FBXO4: variants seen among roughly 807,000 people sequenced by gnomAD.
The protein encoded by FBXO4 is F-box protein 4, also known as F-box only protein 4.
FBXO4 carries 36 observed loss-of-function variants against 43.7 expected under a neutral mutation model. That is an observed-to-expected ratio of 0.82 (90% CI 0.63 to 1.09). FBXO4 has a LOEUF of 1.09. Ranked by LOEUF, FBXO4 falls within the 50% of genes least tolerant of loss-of-function variation. FBXO4 has a pLI of 0.00. For missense variants in FBXO4, 435 were observed against 474.1 expected (o/e 0.92, Z 0.77); for synonymous variants, 180 against 165.6 (o/e 1.09, Z -0.67).
downstream of FBXO4, among the ~76,000 whole-genome samples, chr5:41,944,993 G>T (rs1442237859): frequency 6.6e-6 from 1 of 152,152 alleles, no homozygotes; most frequent in Non-Finnish European, 1.5e-5. Context: ...TTCTAGGAAG[G>T]ATTTGACAAG....
the FBXO4 span, among the ~76,000 whole-genome samples, chr5:42,012,026 G>A: frequency 6.6e-6 from 1 of 152,300 alleles, no homozygotes; most frequent in South Asian, 2.1e-4. Context: ...AGGTCAGCAA[G>A]GTGAGAACAT....
At chr5:42,006,887 G>GATATATATATATATATATATATAT in the FBXO4 span, among the ~76,000 whole-genome samples, 283 of 78,960 alleles carry the variant, frequency 3.6e-3, 8 homozygotes, top group Middle Eastern at 7.1e-3. Flanking sequence ...GGTTCATGCT[G>GATATATATATATATATATATATAT]ATATATATAT....
the FBXO4 span, among the ~76,000 whole-genome samples, chr5:42,032,928 A>C: frequency 2.0e-5 from 3 of 152,074 alleles, no homozygotes; most frequent in African/African-American, 7.2e-5. Flanking sequence ...TCAGTGTCCA[A>C]GGGCTCTTCA....
the FBXO4 span, among the ~76,000 whole-genome samples, chr5:41,966,638 C>G: frequency 3.3e-5 from 5 of 152,170 alleles, no homozygotes; most frequent in African/African-American, 1.2e-4. Flanking sequence ...TCTACTTAGA[C>G]AGACCTGGTT....
chr5:41,973,243 T>C, the FBXO4 span, among the ~76,000 whole-genome samples: 2 of 152,182 alleles, frequency 1.3e-5, no homozygotes, highest in African/African-American at 4.8e-5. Context: ...CCAAACTCAT[T>C]GAAAAATGGG....
chr5:41,926,268 G>T (rs893749696), intron 1 of FBXO4, among the ~76,000 whole-genome samples: 2 of 152,150 alleles, frequency 1.3e-5, no homozygotes, highest in Admixed American at 1.3e-4. Flanking sequence ...AGATTCTGTA[G>T]AGGAACTAAG....
the FBXO4 span, among the ~76,000 whole-genome samples, chr5:41,995,433 C>A: frequency 6.6e-6 from 1 of 152,184 alleles, no homozygotes; most frequent in Non-Finnish European, 1.5e-5. Context: ...ACTAAGTGTT[C>A]TTCTCTGCTG....
the FBXO4 span, among the ~76,000 whole-genome samples, chr5:41,965,144 C>G: frequency 7.9e-5 from 12 of 152,196 alleles, no homozygotes; most frequent in South Asian, 4.1e-4. Context: ...ATAGGGAATC[C>G]TTTCCCCATT....
chr5:42,011,404 T>C, the FBXO4 span, among the ~76,000 whole-genome samples: 1 of 152,208 alleles, frequency 6.6e-6, no homozygotes, highest in Admixed American at 6.5e-5. Flanking sequence ...CAGAAAGCAG[T>C]GAGGCCCTCA....
chr5:41,957,510 T>C, the FBXO4 span, among the ~76,000 whole-genome samples: 6 of 149,658 alleles, frequency 4.0e-5, no homozygotes, highest in Non-Finnish European at 8.9e-5. Flanking sequence ...CTCTGATTAT[T>C]AGTATGCTGA....
the FBXO4 span, among the ~76,000 whole-genome samples, chr5:41,980,227 T>G: frequency 2.0e-5 from 3 of 152,180 alleles, no homozygotes; most frequent in Non-Finnish European, 2.9e-5. Flanking sequence ...GACTTTTGAC[T>G]GAGAACTAAA....
At chr5:41,999,534 T>TAC in the FBXO4 span, among the ~76,000 whole-genome samples, 2 of 101,112 alleles carry the variant, frequency 2.0e-5, no homozygotes, top group African/African-American at 5.0e-5. Context: ...CATATATATA[T>TAC]ACATATATAT....
chr5:42,014,783 C>T, the FBXO4 span, among the ~76,000 whole-genome samples: 1 of 152,220 alleles, frequency 6.6e-6, no homozygotes, highest in East Asian at 1.9e-4. Flanking sequence ...AGACTGGAAT[C>T]CAAGTCTCTT....
the FBXO4 span, among the ~76,000 whole-genome samples, chr5:41,962,556 A>G: frequency 6.6e-6 from 1 of 152,136 alleles, no homozygotes; most frequent in Admixed American, 6.5e-5. Context: ...TAAAGCCCAG[A>G]GGGTTTATCT....
chr5:41,981,793 C>T, the FBXO4 span, among the ~76,000 whole-genome samples: 1 of 150,930 alleles, frequency 6.6e-6, no homozygotes, highest in African/African-American at 2.4e-5. Flanking sequence ...TACATGTGCA[C>T]AACATGCAGG....
chr5:41,939,795 A>G (rs536393585), intron 6 of FBXO4, among the ~76,000 whole-genome samples, 179 bp downstream of exon 6: 13 of 142,092 alleles, frequency 9.1e-5, no homozygotes, highest in Non-Finnish European at 2.0e-4. Context: ...ATTGTGTCTT[A>G]CTTGCCTCTT....
Position 41,934,571 on chromosome 5 carries a change from G to T in FBXO4, c.898+263G>T, listed in dbSNP as rs1253381749. 8 of 1,331,584 alleles carry T rather than the reference G, an allele frequency of 6.0e-6. No homozygotes were observed. In the South Asian group the frequency reaches 8.6e-5, roughly 14 times the overall value. The allele number at this position is 1,331,584 out of a possible 1,614,324, so 82.5% of individuals were successfully genotyped here. A position where few individuals can be genotyped will look rare whatever the true frequency, so the allele number is the denominator to read the frequency against. The stretch of plus-strand genomic sequence containing the variant: ...TTTGGGTTGTGTGAATCAGATTTGG[G>T]CATCTGTTTTTTCCAAGCACCCAGG... On this transcript the variant is annotated intron_variant, in intron 5 of 6. Coordinates refer to ENST00000281623, the MANE Select transcript of FBXO4 (RefSeq NM_012176.3).
At chr5:42,034,911 G>A in the FBXO4 span, among the ~76,000 whole-genome samples, 4 of 152,070 alleles carry the variant, frequency 2.6e-5, no homozygotes, top group Admixed American at 1.3e-4. Flanking sequence ...AATGTCAATC[G>A]TAGTTTAATG....
At chr5:41,965,912 A>T in the FBXO4 span, among the ~76,000 whole-genome samples, 3 of 152,264 alleles carry the variant, frequency 2.0e-5, no homozygotes, top group African/African-American at 7.2e-5. Flanking sequence ...ATGTCCAACC[A>T]TGATAGTCTG....
Sources: gnomAD v4.1 joint callset for allele counts (sites outside exome capture counted in the v4.1 genomes callset) on GRCh38, gnomAD v4.1.1 for gene constraint, MANE v1.5 for transcripts, NCBI Gene and HGNC (gene_info 2026-07-23, HGNC 2026-07-21) for gene names.